The following UBE2G1 variants were observed in gnomAD, a reference collection of about 807,000 sequenced individuals.
The protein encoded by UBE2G1 is ubiquitin conjugating enzyme E2 G1.
A neutral mutation model predicts 22.7 loss-of-function variants in UBE2G1; 5 were observed. That is an observed-to-expected ratio of 0.22 (90% CI 0.12 to 0.46). The LOEUF (loss-of-function observed/expected upper bound fraction) is 0.46, where lower values mean the gene tolerates loss of function less well. Ranked by LOEUF, UBE2G1 falls within the 20% of genes least tolerant of loss-of-function variation. The pLI, the probability that UBE2G1 is intolerant of heterozygous loss-of-function variation, is 0.99. For synonymous variants in UBE2G1, 74 were observed against 67.5 expected (o/e 1.10, Z -0.47); for missense variants, 88 against 203.9 (o/e 0.43, Z 3.46).
At chr17:4,347,990 C>G (rs1027759168) in intron 1 of UBE2G1, among the ~76,000 whole-genome samples, 2 of 152,214 alleles carry the variant, frequency 1.3e-5, no homozygotes, top group Admixed American at 1.3e-4. Flanking sequence ...CACAACAATA[C>G]TGAAATTAAG....
intron 1 of UBE2G1, among the ~76,000 whole-genome samples, chr17:4,363,775 A>T (rs544949588): frequency 6.6e-6 from 1 of 151,706 alleles, no homozygotes; most frequent in East Asian, 1.9e-4. Flanking sequence ...ACACAGTGAA[A>T]CCCCGTCTCT....
At chr17:4,310,445 G>A (rs1398307939) in intron 1 of UBE2G1, among the ~76,000 whole-genome samples, 1 of 152,164 alleles carries the variant, frequency 6.6e-6, no homozygotes, top group Non-Finnish European at 1.5e-5. Flanking sequence ...TTGGGTGAGG[G>A]AATTCAAGGT....
intron 1 of UBE2G1, among the ~76,000 whole-genome samples, chr17:4,321,923 T>C (rs563912582): frequency 4.6e-5 from 7 of 152,368 alleles, no homozygotes; most frequent in African/African-American, 1.7e-4. Flanking sequence ...AAGTTTGAAA[T>C]TTGAAAATTA....
intron 1 of UBE2G1, among the ~76,000 whole-genome samples, chr17:4,314,000 A>T (rs1969340204): frequency 6.6e-6 from 1 of 152,194 alleles, no homozygotes; most frequent in Admixed American, 6.5e-5. Context: ...AATAAGACTA[A>T]AAAAGAACAG....
At chr17:4,337,552 C>T (rs1469194177) in intron 1 of UBE2G1, among the ~76,000 whole-genome samples, 4 of 150,942 alleles carry the variant, frequency 2.7e-5, no homozygotes, top group African/African-American at 4.9e-5. Flanking sequence ...ACTCGGAAGG[C>T]TGAGGCAGGA....
intron 2 of UBE2G1, 110 bp downstream of exon 2, chr17:4,306,911 A>C (rs1303486130): frequency 2.1e-6 from 2 of 933,656 alleles, no homozygotes; most frequent in Non-Finnish European, 3.2e-6. Context: ...TGGCCTCCCA[A>C]AGTGCTGGGA....
chr17:4,362,251 C>G (rs1969977610), intron 1 of UBE2G1, among the ~76,000 whole-genome samples: 1 of 152,150 alleles, frequency 6.6e-6, no homozygotes, highest in African/African-American at 2.4e-5. Flanking sequence ...TATCTGATTT[C>G]ATGAATCTGT....
In UBE2G1 at chr17:4,270,156, G is replaced by C. The variant is rs1968738211; in HGVS notation, c.*2398C>G. On this transcript the variant is annotated 3_prime_UTR_variant, in exon 6 of 6. Coordinates refer to ENST00000396981, the MANE Select transcript of UBE2G1 (RefSeq NM_003342.5). ...CTAGCCCTAAAAAAAAAACCCACATGGTTTTATCAAACTAACTGCATTAAA... is the reference window on the plus strand; with the variant it reads ...CTAGCCCTAAAAAAAAAACCCACATCGTTTTATCAAACTAACTGCATTAAA... 1 of 152,368 alleles carries C rather than the reference G, an allele frequency of 6.6e-6. No individual in the cohort carries two copies. Among genetic ancestry groups the C allele is most frequent in the South Asian group, 2.1e-4 (1 of 4,808 alleles). 9.4% of individuals were successfully genotyped at this position (152,368 alleles called of 1,614,324 possible).
rs549085264 is a variant in UBE2G1, at chr17:4,301,344, G to A, written c.150-4530C>T. 63 of 473,616 alleles carry A rather than the reference G, an allele frequency of 1.3e-4. 1 individual carries two copies. Among genetic ancestry groups the A allele is most frequent in the Non-Finnish European group, 4.3e-5 (11 of 253,360 alleles). The allele number at this position is 473,616 out of a possible 1,614,324, so 29.3% of individuals were successfully genotyped here. On this transcript the variant is annotated intron_variant, in intron 2 of 5. Transcript: ENST00000396981. Reference sequence around the variant, plus strand: ...TTTTGCCTCTCAGCCTCCCACGGGCGCAATGGAGGAGAAGGATGAGAAAGC... The same window carrying A: ...TTTTGCCTCTCAGCCTCCCACGGGCACAATGGAGGAGAAGGATGAGAAAGC...
At chr17:4,328,736 A>ATGTTTTTG (rs1295647187) in intron 1 of UBE2G1, among the ~76,000 whole-genome samples, 1 of 152,214 alleles carries the variant, frequency 6.6e-6, no homozygotes, top group Non-Finnish European at 1.5e-5. Context: ...TTTTTTCAAA[A>ATGTTTTTG]ACAAATTAGG....
intron 4 of UBE2G1, among the ~76,000 whole-genome samples, chr17:4,286,958 T>C (rs950803107): frequency 1.3e-5 from 2 of 152,046 alleles, no homozygotes; most frequent in East Asian, 1.9e-4. Flanking sequence ...GGCAGGAGAA[T>C]CGATTGAACA....
chr17:4,279,455 C>A (rs990240896), intron 5 of UBE2G1, among the ~76,000 whole-genome samples: 2 of 152,080 alleles, frequency 1.3e-5, no homozygotes, highest in Non-Finnish European at 2.9e-5. Context: ...TCAACCTCTA[C>A]CTCATACCAT....
intron 1 of UBE2G1, among the ~76,000 whole-genome samples, chr17:4,332,961 A>C (rs766909589): frequency 2.0e-5 from 3 of 152,144 alleles, no homozygotes; most frequent in Non-Finnish European, 4.4e-5. Context: ...CCTAACTACA[A>C]AGCAAGCTCT....
At chr17:4,294,755 A>G (rs748502822) in intron 3 of UBE2G1, among the ~76,000 whole-genome samples, 3 of 152,128 alleles carry the variant, frequency 2.0e-5, no homozygotes, top group Non-Finnish European at 2.9e-5. Context: ...TCTTTACAAA[A>G]AAAAACAAAA....
chr17:4,282,574 A>G (rs1396474189), intron 5 of UBE2G1, among the ~76,000 whole-genome samples: 2 of 152,230 alleles, frequency 1.3e-5, no homozygotes, highest in Non-Finnish European at 2.9e-5. Context: ...ACAGACCAGC[A>G]TACTAACCAT....
At chr17:4,310,273 G>T (rs955438495) in intron 1 of UBE2G1, among the ~76,000 whole-genome samples, 2 of 151,872 alleles carry the variant, frequency 1.3e-5, no homozygotes, top group East Asian at 3.9e-4. Context: ...ACATCTTCTG[G>T]CACTTGACCA....
chr17:4,357,509 G>GGC, intron 1 of UBE2G1, among the ~76,000 whole-genome samples: 2 of 43,772 alleles, frequency 4.6e-5, no homozygotes, highest in African/African-American at 1.0e-4. Context: ...GTGTGTGTGT[G>GGC]GGGGGGGGGG....
intron 1 of UBE2G1, among the ~76,000 whole-genome samples, chr17:4,342,378 C>T (rs1431132511): frequency 6.6e-6 from 1 of 152,104 alleles, no homozygotes; most frequent in East Asian, 1.9e-4. Context: ...ACCTGTAATC[C>T]CAGCATTTTA....
chr17:4,366,352 TC>T lies in UBE2G1; in HGVS notation c.-37del, dbSNP rs758079968. The stretch of plus-strand genomic sequence containing the variant: ...GAGGGCCCGGGCTGGCGCCGGGGCT[TC>T]CGAAGGGCTGGGGACAGGCTCTGGG... On this transcript the variant is annotated 5_prime_UTR_variant, in exon 1 of 6. Coordinates refer to ENST00000396981, the MANE Select transcript of UBE2G1 (RefSeq NM_003342.5). The T allele has an allele frequency of 3.7e-4, 568 of 1,518,866 alleles. No individual in the cohort carries two copies. The highest frequency in any genetic ancestry group is 4.8e-4 in the Non-Finnish European group (546 of 1,142,740). The allele number at this position is 1,518,866 out of a possible 1,614,324, so 94.1% of individuals were successfully genotyped here. A position where few individuals can be genotyped will look rare whatever the true frequency, so the allele number is the denominator to read the frequency against.
Sources: allele counts gnomAD v4.1 joint callset (sites outside exome capture counted in the v4.1 genomes callset), GRCh38; gene constraint gnomAD v4.1.1; transcripts MANE v1.5; gene names NCBI Gene and HGNC (gene_info 2026-07-23, HGNC 2026-07-21).